SCAF1: variants seen among roughly 807,000 people sequenced by gnomAD.
SCAF1 encodes the protein splicing factor, arginine/serine-rich 19.
SCAF1 carries 28 observed loss-of-function variants against 91.2 expected under a neutral mutation model. That is an observed-to-expected ratio of 0.31 (90% CI 0.23 to 0.42). The LOEUF is 0.42. Among genes scored for constraint, SCAF1 ranks in the 10% least tolerant of loss-of-function variants. The pLI is 1.00. For missense variants in SCAF1, 1,893 were observed against 1,872.1 expected, an observed-to-expected ratio of 1.01 and a Z score of -0.21; for synonymous variants, 1,036 against 833.7, an observed-to-expected ratio of 1.24 and a Z score of -4.18.
rs1382983514 is a variant in SCAF1, at chr19:49,652,714, G to A, written c.2325G>A (p.Gly775=). 1 of 1,590,010 alleles carries A rather than the reference G, an allele frequency of 6.3e-7. No homozygotes were observed. Among genetic ancestry groups the A allele is most frequent in the African/African-American group, 1.3e-5 (1 of 74,456 alleles). The change falls in exon 7 of 11, where the codon GGG becomes GGA. Residue 775 remains glycine, a synonymous_variant. Transcript: ENST00000360565. ...GGTCTCGTCGGAAGGCGCTGGACGG[G>A]GGTGACCGGGATCGGGACAGGGACA... is the stretch of plus-strand genomic sequence containing the variant. ...EKGSRRKALD[G]GDRDRDRDRD...
rs754721068 is a variant in SCAF1, at chr19:49,654,632, C to A, written c.3400-20C>A. 6.3e-7 allele frequency: 1 copy of A among 1,590,274 alleles called. No homozygotes were observed. The highest frequency in any genetic ancestry group is 8.6e-7 in the Non-Finnish European group (1 of 1,160,888). ...CCTCCACCTCCCTTTACTCATCACC[C>A]CTCTGTCCTCGTCCCACAGATCCTC... On this transcript the variant is annotated intron_variant, in intron 8 of 10. Coordinates refer to ENST00000360565, the MANE Select transcript of SCAF1 (RefSeq NM_021228.3).
chr19:49,658,104 T>G, intron 10 of SCAF1, 104 bp from the exon 11 acceptor site: 1 of 1,333,518 alleles, frequency 7.5e-7, no homozygotes, highest in Non-Finnish European at 1.0e-6. Context: ...GGCCTGGTTA[T>G]TGGGGAAGCT....
chr19:49,645,525 G>A lies in SCAF1; in HGVS notation c.166+114G>A. On this transcript the variant is annotated intron_variant, in intron 3 of 10. Transcript: ENST00000360565. This position sits in a 1 kb window ranked among gnomAD's most constrained non-coding sequence, Gnocchi z 4.6. ...CTGGGTGCCACCCTTGTGCTGGCAT[G>A]GGGAGCCAAAAATGGGCAGACACCC... The A allele has an allele frequency of 8.7e-7, 1 of 1,148,198 alleles. No homozygotes were observed. Among genetic ancestry groups the A allele is most frequent in the Non-Finnish European group, 1.2e-6 (1 of 803,422 alleles). 71.1% of individuals were successfully genotyped at this position (1,148,198 alleles called of 1,614,324 possible).
chr19:49,651,180 C>A lies in SCAF1; in HGVS notation c.791C>A (p.Thr264Asn). 1 of 1,613,144 alleles carries A rather than the reference C, an allele frequency of 6.2e-7. No homozygotes were observed. Among genetic ancestry groups the A allele is most frequent in the Middle Eastern group, 1.7e-4 (1 of 6,060 alleles). Residue 264 changes from threonine (T) to asparagine (N), a missense_variant, in exon 7 of 11, where the codon ACC becomes AAC. By Grantham distance (65) the Thr-to-Asn change is moderately conservative. Around this residue, in one of 5 missense-constraint regions of SCAF1, gnomAD observed 80 missense variants for 116.6 expected, o/e 0.69. Transcript: ENST00000360565. ...TCCAACCCCAGCTCATCAGCGGGGA[C>A]CCCCTCACCTGAGGAGGAAGAGGAG... ...TGSNPSSSAGTPSPEEEEEEE... is the reference protein window; with the variant it reads ...TGSNPSSSAGNPSPEEEEEEE...
intron 6 of SCAF1, among the ~76,000 whole-genome samples, chr19:49,648,231 T>G (rs2081066082): frequency 6.6e-6 from 1 of 152,052 alleles, no homozygotes; most frequent in South Asian, 2.1e-4. Context: ...TGCCTCAGCC[T>G]CCTGAGTAGC....
chr19:49,653,680 C>T lies in SCAF1; in HGVS notation c.3291C>T (p.Asp1097=). The T allele has an allele frequency of 6.3e-7, 1 of 1,582,656 alleles. No individual in the cohort carries two copies. The highest frequency in any genetic ancestry group is 8.5e-7 in the Non-Finnish European group (1 of 1,169,814). ...PMPWNLPAGV[D]CTTSGVLALT... The stretch of plus-strand genomic sequence containing the variant: ...CCTGGAATCTGCCAGCTGGTGTGGA[C>T]TGCACCACCAGCGGCGTCCTGGCCT... The change falls in exon 7 of 11, where the codon GAC becomes GAT. Residue 1097 remains aspartate (D), a synonymous_variant. Coordinates refer to ENST00000360565, the MANE Select transcript of SCAF1 (RefSeq NM_021228.3).
intron 9 of SCAF1, among the ~76,000 whole-genome samples, chr19:49,657,069 G>A (rs1027180928): frequency 1.3e-5 from 2 of 152,164 alleles, no homozygotes; most frequent in Non-Finnish European, 2.9e-5. Flanking sequence ...TGGGAAGATC[G>A]CTTTAGCCCA....
intron 6 of SCAF1, among the ~76,000 whole-genome samples, chr19:49,647,063 A>G (rs1048453144): frequency 3.9e-5 from 6 of 152,214 alleles, no homozygotes; most frequent in East Asian, 3.9e-4. Context: ...TCGGCACGCT[A>G]AGTATTAGTG....
Position 49,654,842 on chromosome 19 carries a change from G to C in SCAF1, c.3590G>C (p.Ser1197Thr). 8 of 1,607,162 alleles carry C rather than the reference G, an allele frequency of 5.0e-6. No individual in the cohort carries two copies. The highest frequency in any genetic ancestry group is 6.8e-6 in the Non-Finnish European group (8 of 1,175,546). ...ATSDKREGSS[S>T]SEGRGDTDKY... ...TCTGACAAGAGAGAGGGCAGCAGCA[G>C]CTCTGAGGGCCGTGGGGACACAGAT... The change falls in exon 9 of 11, where the codon AGC becomes ACC. Residue 1197 changes from serine (S) to threonine (T), a missense_variant. This residue lies in a region of SCAF1 where 1,436 missense variants were observed against 1,306.8 expected (regional missense o/e 1.10). Coordinates refer to ENST00000360565, the MANE Select transcript of SCAF1 (RefSeq NM_021228.3).
rs750633671 is a variant in SCAF1 at position 49,652,337 on chromosome 19, C to A, written c.1948C>A (p.Arg650=). The A allele has an allele frequency of 6.5e-7, 1 of 1,536,858 alleles. No homozygotes were observed. The highest frequency in any genetic ancestry group is 8.7e-7 in the Non-Finnish European group (1 of 1,143,744). ...GAAGAAGAAGAAGCGGTCGCGGTCC[C>A]GGGGTGAGAAGCGGTCTGGGGATGG... The part of the protein sequence containing the change: ...SKKKKKRSRS[R]GEKRSGDGSE... The change falls in exon 7 of 11, where the codon CGG becomes AGG. Residue 650 remains arginine (R), a synonymous_variant. Coordinates refer to ENST00000360565, the MANE Select transcript of SCAF1 (RefSeq NM_021228.3).
chr19:49,645,390 G>A lies in SCAF1; in HGVS notation c.145G>A (p.Gly49Arg), dbSNP rs372909218. 4 of 1,613,664 alleles carry A rather than the reference G, an allele frequency of 2.5e-6. No individual in the cohort carries two copies. The highest frequency in any genetic ancestry group is 3.4e-6 in the Non-Finnish European group (4 of 1,179,840). The change falls in exon 3 of 11, where the codon GGG becomes AGG. Residue 49 changes from glycine to arginine, a missense_variant. Around this residue, in one of 5 missense-constraint regions of SCAF1, gnomAD observed 270 missense variants for 292.5 expected, o/e 0.92. Coordinates refer to ENST00000360565, the MANE Select transcript of SCAF1 (RefSeq NM_021228.3). This position sits in a 1 kb window ranked among gnomAD's most constrained non-coding sequence, Gnocchi z 4.6. The stretch of plus-strand genomic sequence containing the variant: ...GCAGGCTGTGGGAAGCTCCCTGCAG[G>A]GGGACCTGCCCAATGATAAAGGTAT... Reference protein sequence around the residue: ...IQQAVGSSLQGDLPNDKDGSR... With the variant: ...IQQAVGSSLQRDLPNDKDGSR...
At chr19:49,656,626 C>T (rs1599833215) in intron 9 of SCAF1, among the ~76,000 whole-genome samples, 2 of 152,158 alleles carry the variant, frequency 1.3e-5, no homozygotes, top group Admixed American at 6.5e-5. Flanking sequence ...GCTGCTGCCC[C>T]GAGCCTGCGG....
At chr19:49,658,108 G>T in intron 10 of SCAF1, 100 bp from the exon 11 acceptor site, 2 of 1,355,500 alleles carry the variant, frequency 1.5e-6, no homozygotes, top group Non-Finnish European at 2.0e-6. Context: ...TGGTTATTGG[G>T]GAAGCTCCTC....
At chr19:49,657,419 T>C (rs1322999299) in intron 9 of SCAF1, among the ~76,000 whole-genome samples, 1 of 152,236 alleles carries the variant, frequency 6.6e-6, no homozygotes, top group Non-Finnish European at 1.5e-5. Flanking sequence ...TAGAGTCTGA[T>C]TCAAAACCAG....
rs776491137 is a variant in SCAF1, at chr19:49,651,178, G to A, written c.789G>A (p.Gly263=). 4 of 1,613,226 alleles carry A rather than the reference G, an allele frequency of 2.5e-6. No homozygotes were observed. The African/African-American group carries it at 4.0e-5, about 16-fold the overall frequency. The stretch of plus-strand genomic sequence containing the variant: ...GCTCCAACCCCAGCTCATCAGCGGG[G>A]ACCCCCTCACCTGAGGAGGAAGAGG... The part of the protein sequence containing the change: ...PTGSNPSSSA[G]TPSPEEEEEE... The change falls in exon 7 of 11, where the codon GGG becomes GGA. Residue 263 remains glycine, a synonymous_variant. Transcript: ENST00000360565.
At position 49,651,651 on chromosome 19, in the gene SCAF1, C is replaced by T. The variant is rs1202248996; in HGVS notation, c.1262C>T (p.Pro421Leu). Reference protein sequence around the residue: ...RPGGRAARPTPAASATPTAQP... With the variant: ...RPGGRAARPTLAASATPTAQP... Reference sequence around the variant, plus strand: ...GGCGGCCGGGCCGCCCGGCCTACACCGGCCGCCTCGGCCACCCCCACGGCC... The same window carrying T: ...GGCGGCCGGGCCGCCCGGCCTACACTGGCCGCCTCGGCCACCCCCACGGCC... The change falls in exon 7 of 11, where the codon CCG becomes CTG. Residue 421 changes from proline to leucine, a missense_variant. By Grantham distance (98) the Pro-to-Leu change is moderately conservative. This residue lies in a region of SCAF1 where 1,436 missense variants were observed against 1,306.8 expected (regional missense o/e 1.10). Coordinates refer to ENST00000360565, the MANE Select transcript of SCAF1 (RefSeq NM_021228.3). The T allele has an allele frequency of 1.1e-5, 15 of 1,423,922 alleles. No homozygotes were observed. Among genetic ancestry groups the T allele is most frequent in the South Asian group, 4.5e-5 (3 of 66,514 alleles). 88.2% of individuals were successfully genotyped at this position (1,423,922 alleles called of 1,614,324 possible). A position where few individuals can be genotyped will look rare whatever the true frequency, so the allele number is the denominator to read the frequency against.
chr19:49,651,566 G>A lies in SCAF1; in HGVS notation c.1177G>A (p.Glu393Lys), dbSNP rs1349871340. 1 of 1,553,922 alleles carries A rather than the reference G, an allele frequency of 6.4e-7. No individual in the cohort carries two copies. The highest frequency in any genetic ancestry group is 1.2e-5 in the South Asian group (1 of 84,632). Reference sequence around the variant, plus strand: ...GCCGCCCGGCGACTCGGAGATCGAGGAAGGGGAGATCGTCCAGCCGGAGGA... The same window carrying A: ...GCCGCCCGGCGACTCGGAGATCGAGAAAGGGGAGATCGTCCAGCCGGAGGA... ...LLPPGDSEIE[E>K]GEIVQPEEEP... Residue 393 changes from glutamate (E) to lysine (K), a missense_variant, in exon 7 of 11, where the codon GAA (glutamate) becomes AAA (lysine). This residue lies in a region of SCAF1 where 1,436 missense variants were observed against 1,306.8 expected (regional missense o/e 1.10). Transcript: ENST00000360565.
Position 49,652,542 on chromosome 19 carries a change from C to A in SCAF1, c.2153C>A (p.Pro718His). The A allele has an allele frequency of 6.4e-7, 1 of 1,569,670 alleles. No homozygotes were observed. The highest frequency in any genetic ancestry group is 1.2e-5 in the South Asian group (1 of 85,816). ...CTTGACAAGTCCGACCCCCGAGGAC[C>A]CTCTCCTGCTCCGGCCTCCTCACCT... ...GRLDKSDPRG[P>H]SPAPASSPKR... The change falls in exon 7 of 11, where the codon CCC becomes CAC. Residue 718 changes from proline to histidine, a missense_variant. By Grantham distance (77) the Pro-to-His change is moderately conservative (BLOSUM62 -2). Around this residue, in one of 5 missense-constraint regions of SCAF1, gnomAD observed 1,436 missense variants for 1,306.8 expected, o/e 1.10. Coordinates refer to ENST00000360565, the MANE Select transcript of SCAF1 (RefSeq NM_021228.3).
Position 49,651,787 on chromosome 19 carries a change from G to A in SCAF1, c.1398G>A (p.Pro466=). The change falls in exon 7 of 11, where the codon CCG becomes CCA. Residue 466 remains proline (P), a synonymous_variant. Coordinates refer to ENST00000360565, the MANE Select transcript of SCAF1 (RefSeq NM_021228.3). ...EGALQVDLGE[P]APAPPAADSR... ...CCCTGCAGGTGGACCTAGGGGAGCC[G>A]GCTCCCGCGCCGCCCGCCGCCGACT... The A allele has an allele frequency of 7.8e-7, 1 of 1,288,382 alleles. No individual in the cohort carries two copies. Among genetic ancestry groups the A allele is most frequent in the Non-Finnish European group, 9.8e-7 (1 of 1,020,156 alleles). The allele number at this position is 1,288,382 out of a possible 1,614,324, so 79.8% of individuals were successfully genotyped here. A position where few individuals can be genotyped will look rare whatever the true frequency, so the allele number is the denominator to read the frequency against.
Sources: allele counts gnomAD v4.1 joint callset (sites outside exome capture counted in the v4.1 genomes callset), GRCh38; gene constraint gnomAD v4.1.1; regional missense constraint gnomAD v4.1.1; non-coding constraint Gnocchi (gnomAD v3.1); transcripts MANE v1.5; gene names NCBI Gene and HGNC (gene_info 2026-07-23, HGNC 2026-07-21).